ZNF7: variants seen among roughly 807,000 people sequenced by gnomAD.
ZNF7 encodes zinc finger protein 7, also known as C2-H2 type zinc finger protein.
ZNF7 carries 10 observed loss-of-function variants against 12.0 expected under a neutral mutation model. The observed-to-expected ratio is 0.83, with a 90% CI of 0.51 to 1.42. The LOEUF is 1.42. Among genes scored for constraint, ZNF7 ranks in the 40% most tolerant of loss-of-function variants. ZNF7 has a pLI of 0.00. For synonymous variants in ZNF7, 334 were observed against 295.0 expected, an observed-to-expected ratio of 1.13 and a Z score of -1.35; for missense variants, 854 against 837.2, an observed-to-expected ratio of 1.02 and a Z score of -0.25.
Position 144,842,504 on chromosome 8 carries a change from A to G in ZNF7, c.1397A>G (p.Glu466Gly). Residue 466 changes from glutamate (E) to glycine (G), a missense_variant, in exon 5 of 5, where the codon GAA becomes GGA. Glu to Gly is a moderately conservative substitution (Grantham distance 98). Coordinates refer to ENST00000532777, the MANE Select transcript of ZNF7 (RefSeq NM_003416.4). Reference sequence around the variant, plus strand: ...CGCCATCAGAGAACTCACACTGGAGAAAAACCATTTAAATGTGATGAGTGT... The same window carrying G: ...CGCCATCAGAGAACTCACACTGGAGGAAAACCATTTAAATGTGATGAGTGT... The part of the protein sequence containing the change: ...LIRHQRTHTG[E>G]KPFKCDECGK... 1 of 1,614,154 alleles carries G rather than the reference A, an allele frequency of 6.2e-7. No individual in the cohort carries two copies. Among genetic ancestry groups the G allele is most frequent in the Non-Finnish European group, 8.5e-7 (1 of 1,180,040 alleles).
chr8:144,831,781 TAAAA>T (rs34934472), intron 3 of ZNF7, among the ~76,000 whole-genome samples: 2 of 64,260 alleles, frequency 3.1e-5, no homozygotes, highest in Admixed American at 1.8e-4. Flanking sequence ...AGACTCCATC[TAAAA>T]AAAAAAAAAA....
intron 4 of ZNF7, chr8:144,838,436 C>A: frequency 2.5e-6 from 1 of 402,482 alleles, no homozygotes; most frequent in Non-Finnish European, 4.5e-6. Flanking sequence ...GCCTGGTGCT[C>A]TGCTCCCCTG....
At chr8:144,831,245 TTCTG>T (rs141385933) in intron 3 of ZNF7, among the ~76,000 whole-genome samples, 17 of 152,342 alleles carry the variant, frequency 1.1e-4, no homozygotes, top group Non-Finnish European at 2.2e-4. Context: ...TTTCCATGGC[TTCTG>T]TCTATTTATA....
downstream of ZNF7, chr8:144,846,119 C>T (rs1275572083): frequency 6.5e-7 from 1 of 1,536,298 alleles, no homozygotes; most frequent in African/African-American, 1.4e-5. Flanking sequence ...TCCTCTTGGC[C>T]ACTTCCTGGT....
At chr8:144,829,155 A>G (rs1025136014) in intron 2 of ZNF7, 65 bp downstream of exon 2, 2 of 1,609,114 alleles carry the variant, frequency 1.2e-6, no homozygotes, top group Non-Finnish European at 1.7e-6. Flanking sequence ...TGCTCTGCCC[A>G]CTGGCCCTGG....
In ZNF7 at chr8:144,843,442, G is replaced by A. The variant is rs938371250; in HGVS notation, c.*274G>A. 11 of 268,394 alleles carry A rather than the reference G, an allele frequency of 4.1e-5. No individual in the cohort carries two copies. Among genetic ancestry groups the A allele is most frequent in the South Asian group, 8.8e-5 (1 of 11,330 alleles). 16.6% of individuals were successfully genotyped at this position (268,394 alleles called of 1,614,324 possible). ...TCTCTACTAAAAATACAAAAATTTA[G>A]CTGGGCGTGGTGGCAGGCACCTGTG... On this transcript the variant is annotated 3_prime_UTR_variant, in exon 5 of 5. Coordinates refer to ENST00000532777, the MANE Select transcript of ZNF7 (RefSeq NM_003416.4).
chr8:144,846,332 T>A (rs150843087), downstream of ZNF7: 393 of 701,420 alleles, frequency 5.6e-4, 2 homozygotes, highest in African/African-American at 6.6e-3. Flanking sequence ...AAACCATTCG[T>A]AGCTTTTTAC....
Position 144,842,855 on chromosome 8 carries a change from G to A in ZNF7, c.1748G>A (p.Cys583Tyr). 2.5e-6 allele frequency: 4 copies of A among 1,614,236 alleles called. No homozygotes were observed. Among genetic ancestry groups the A allele is most frequent in the Non-Finnish European group, 3.4e-6 (4 of 1,180,044 alleles). The change falls in exon 5 of 5, where the codon TGC becomes TAC. Residue 583 changes from cysteine to tyrosine, a missense_variant. Coordinates refer to ENST00000532777, the MANE Select transcript of ZNF7 (RefSeq NM_003416.4). ...CATGCAGGGGTGAAGCCCTATGAGT[G>A]CAGTGAGTGTGGAAAAGCCTTCAGC... ...IIHAGVKPYE[C>Y]SECGKAFSRS...
At position 144,837,423 on chromosome 8, in the gene ZNF7, T is replaced by C; in HGVS notation, c.163T>C (p.Ser55Pro). 6.2e-7 allele frequency: 1 copy of C among 1,612,946 alleles called. No homozygotes were observed. The highest frequency in any genetic ancestry group is 8.5e-7 in the Non-Finnish European group (1 of 1,179,060). The change falls in exon 4 of 5, where the codon TCT (serine) becomes CCT (proline). Residue 55 changes from serine (S) to proline (P), a missense_variant. By Grantham distance (74) the Ser-to-Pro change is moderately conservative. Transcript: ENST00000532777. ...GFLVFKPELISRLEQGEEPWV... is the reference protein window; with the variant it reads ...GFLVFKPELIPRLEQGEEPWV... ...CCTGGTTTTCAAGCCTGAGCTGATC[T>C]CTCGGCTGGAGCAGGGAGAAGAGCC...
At chr8:144,827,783 C>A in intron 1 of ZNF7, 174 bp downstream of exon 1, 1 of 704,858 alleles carries the variant, frequency 1.4e-6, no homozygotes. Context: ...GGTGGTCGAG[C>A]CCAGCCACCC....
intron 3 of ZNF7, chr8:144,830,830 T>G: frequency 2.4e-6 from 1 of 410,972 alleles, no homozygotes; most frequent in Non-Finnish European, 4.9e-6. Context: ...GCCTCCTGGG[T>G]TCAAGCGATT....
chr8:144,828,883 C>T, intron 1 of ZNF7, 160 bp from the exon 2 acceptor site: 1 of 849,506 alleles, frequency 1.2e-6, no homozygotes, highest in Non-Finnish European at 1.8e-6. Context: ...AGTGGGCCTC[C>T]TTCACTCAAG....
chr8:144,832,548 T>C (rs1235833677), intron 3 of ZNF7, among the ~76,000 whole-genome samples: 1 of 152,028 alleles, frequency 6.6e-6, no homozygotes, highest in Non-Finnish European at 1.5e-5. Flanking sequence ...ACCAACATGG[T>C]GACACCCCGC....
chr8:144,828,981 G>A, intron 1 of ZNF7, 62 bp from the exon 2 acceptor site: 6 of 1,579,062 alleles, frequency 3.8e-6, no homozygotes, highest in Non-Finnish European at 5.2e-6. Flanking sequence ...GTACCCCCTT[G>A]ATTAGCCTGG....
chr8:144,842,058 G>C lies in ZNF7; in HGVS notation c.951G>C (p.Gln317His). 1 of 1,614,114 alleles carries C rather than the reference G, an allele frequency of 6.2e-7. No individual in the cohort carries two copies. Among genetic ancestry groups the C allele is most frequent in the South Asian group, 1.1e-5 (1 of 91,068 alleles). The change falls in exon 5 of 5, where the codon CAG becomes CAC. Residue 317 changes from glutamine to histidine, a missense_variant. Physicochemically the swap from Gln to His is conservative, Grantham distance 24. Transcript: ENST00000532777. ...AGGAATGTGGAAAAGCTTTTGGTCA[G>C]AGCTCAAGCCTCATCCACCATCAGA... ...RCEECGKAFG[Q>H]SSSLIHHQRI...
downstream of ZNF7, chr8:144,846,465 TG>T (rs1830516532): frequency 3.1e-6 from 1 of 318,758 alleles, no homozygotes; most frequent in Admixed American, 4.3e-5. Flanking sequence ...ATGGAGCCTC[TG>T]GCGGCTTTCT....
downstream of ZNF7, chr8:144,845,931 A>G: frequency 7.9e-6 from 12 of 1,519,724 alleles, no homozygotes; most frequent in Middle Eastern, 1.7e-4. Flanking sequence ...CCAGGTGGTC[A>G]CCTTCAGGTC....
At chr8:144,837,897 G>T in intron 4 of ZNF7, 2 of 587,126 alleles carry the variant, frequency 3.4e-6, no homozygotes, top group Non-Finnish European at 6.1e-6. Context: ...CCCTGAGGCA[G>T]CTCCCTTCAG....
chr8:144,828,442 A>G (rs1314542283), intron 1 of ZNF7, among the ~76,000 whole-genome samples: 1 of 143,672 alleles, frequency 7.0e-6, no homozygotes, highest in Non-Finnish European at 1.6e-5. Flanking sequence ...CCAGTCGCTC[A>G]CTGCCTTCCC....
Sources: gnomAD v4.1 joint callset for allele counts (sites outside exome capture counted in the v4.1 genomes callset) on GRCh38, gnomAD v4.1.1 for gene constraint, MANE v1.5 for transcripts, NCBI Gene and HGNC (gene_info 2026-07-23, HGNC 2026-07-21) for gene names.